The following BCLAF1 variants were observed in gnomAD, a reference collection of about 807,000 sequenced individuals.
BCLAF1 encodes the protein bcl-2-associated transcription factor 1.
Under a neutral mutation model 99.5 loss-of-function variants are expected in BCLAF1, and 10 were observed. The ratio of observed to expected loss-of-function variants is 0.10; its 90% confidence interval spans 0.06 to 0.17. The LOEUF (loss-of-function observed/expected upper bound fraction) is 0.17, where lower values mean the gene tolerates loss of function less well. BCLAF1 is among the 10% of genes least tolerant of loss of function. BCLAF1 has a pLI of 1.00. For synonymous variants in BCLAF1, 255 were observed against 370.9 expected, an observed-to-expected ratio of 0.69 and a Z score of 3.59; for missense variants, 636 against 1,105.8, an observed-to-expected ratio of 0.58 and a Z score of 6.02.
In BCLAF1 at chr6:136,257,798, G is replaced by C. The variant is rs1343099681; in HGVS notation, c.*3312C>G. On this transcript the variant is annotated 3_prime_UTR_variant, in exon 13 of 13. Coordinates refer to ENST00000531224, the MANE Select transcript of BCLAF1 (RefSeq NM_014739.3). ...GAAAGGCCTCTGAACTTCTCTTTCT[G>C]GATGTGAAAGTCTATTATTCCACAA... The C allele has an allele frequency of 5.3e-5, 8 of 152,138 alleles. No homozygotes were observed. Among genetic ancestry groups the C allele is most frequent in the African/African-American group, 1.9e-4 (8 of 41,552 alleles). The allele number at this position is 152,138 out of a possible 1,614,324, so 9.4% of individuals were successfully genotyped here.
At chr6:136,271,946 TTAAC>T (rs1782596226) in intron 8 of BCLAF1, 45 bp downstream of exon 8, 6 of 1,339,914 alleles carry the variant, frequency 4.5e-6, no homozygotes, top group East Asian at 2.3e-5. Flanking sequence ...TACAATATCA[TTAAC>T]TAAGCTGAAC....
intron 2 of BCLAF1, among the ~76,000 whole-genome samples, chr6:136,281,527 G>T (rs1784382530): frequency 6.6e-6 from 1 of 152,134 alleles, no homozygotes; most frequent in African/African-American, 2.4e-5. Flanking sequence ...CATTCATTCT[G>T]ATCGAATTTA....
At chr6:136,261,589 T>C (rs1409267247) in intron 11 of BCLAF1, 112 bp from the exon 12 acceptor site, 2 of 1,107,616 alleles carry the variant, frequency 1.8e-6, no homozygotes, top group East Asian at 4.8e-5. Context: ...ATGAGATTGG[T>C]AATATTCTAA....
chr6:136,283,077 C>T (rs1784590896), intron 1 of BCLAF1, among the ~76,000 whole-genome samples: 1 of 147,952 alleles, frequency 6.8e-6, no homozygotes, highest in Non-Finnish European at 1.5e-5. Context: ...GCAGAAGGAT[C>T]ACTTGAGCCC....
intron 6 of BCLAF1, among the ~76,000 whole-genome samples, chr6:136,275,247 A>G (rs900071050): frequency 1.3e-5 from 2 of 152,142 alleles, no homozygotes; most frequent in Non-Finnish European, 2.9e-5. Flanking sequence ...CATACTTAAA[A>G]AACACTTTTA....
intron 11 of BCLAF1, among the ~76,000 whole-genome samples, chr6:136,262,854 TGGGAAGAGGTTTTGGAGTA>T (rs1781205424): frequency 6.6e-6 from 1 of 152,164 alleles, no homozygotes; most frequent in African/African-American, 2.4e-5. Context: ...CCATGGATTC[TGGGAAGAGGTTTTGGAGTA>T]GAAGCATGGG....
rs1783334000 is a variant in BCLAF1, at chr6:136,276,160, T to C, written c.1365A>G (p.Glu455=). The C allele has an allele frequency of 6.2e-7, 1 of 1,613,304 alleles. No homozygotes were observed. The highest frequency in any genetic ancestry group is 1.3e-5 in the African/African-American group (1 of 74,862). Residue 455 remains glutamate, a synonymous_variant, in exon 5 of 13, where the codon GAA becomes GAG. Coordinates refer to ENST00000531224, the MANE Select transcript of BCLAF1 (RefSeq NM_014739.3). ...TCTCTTTAAGTTTATAATTTTTTTC[T>C]TCTCTAAATCCATCACTTTCTCTAT... ...KGNRESDGFR[E]EKNYKLKETG...
rs1783300925 is a variant in BCLAF1, at chr6:136,276,053, T to C, written c.1472A>G (p.Lys491Arg). The C allele has an allele frequency of 3.7e-6, 6 of 1,601,176 alleles. No individual in the cohort carries two copies. Among genetic ancestry groups the C allele is most frequent in the African/African-American group, 1.4e-5 (1 of 73,820 alleles). ...EDKNSERITV[K>R]KETQSPEQVK... The stretch of plus-strand genomic sequence containing the variant: ...CTGCTCAGGTGACTGAGTTTCTTTC[T>C]TTACTGTTATTCTTTCAGAATTTTT... The change falls in exon 5 of 13, where the codon AAG becomes AGG. Residue 491 changes from lysine to arginine, a missense_variant. Physicochemically the swap from Lys to Arg is conservative, Grantham distance 26. Transcript: ENST00000531224.
chr6:136,288,083 T>C (rs146236290), intron 1 of BCLAF1, among the ~76,000 whole-genome samples: 81 of 152,336 alleles, frequency 5.3e-4, no homozygotes, highest in African/African-American at 1.8e-3. Context: ...ACGTCTGTCT[T>C]CAAGTCTTAT....
intron 6 of BCLAF1, among the ~76,000 whole-genome samples, chr6:136,275,266 C>T (rs895092655): frequency 6.6e-6 from 1 of 152,116 alleles, no homozygotes; most frequent in African/African-American, 2.4e-5. Flanking sequence ...TAGCATTCAA[C>T]AAATCTACAT....
At chr6:136,288,401 CA>C (rs1381663360) in intron 1 of BCLAF1, among the ~76,000 whole-genome samples, 1 of 152,162 alleles carries the variant, frequency 6.6e-6, no homozygotes, top group East Asian at 1.9e-4. Flanking sequence ...TGGTCATGAT[CA>C]AACAAAAATA....
At chr6:136,286,119 G>A (rs1785097489) in intron 1 of BCLAF1, among the ~76,000 whole-genome samples, 1 of 152,030 alleles carries the variant, frequency 6.6e-6, no homozygotes, top group African/African-American at 2.4e-5. Context: ...AATGATCAAG[G>A]TAACTGGGTT....
In BCLAF1 at chr6:136,269,447, T is replaced by C; in HGVS notation, c.2209A>G (p.Lys737Glu). The change falls in exon 9 of 13, where the codon AAA becomes GAA. Residue 737 changes from lysine (K) to glutamate (E), a missense_variant. Lys to Glu is a moderately conservative substitution (Grantham distance 56). This residue lies in a region of BCLAF1 where 180 missense variants were observed against 270.0 expected (regional missense o/e 0.67). Transcript: ENST00000531224. ...AGTTTGAACAATTACCTGTCATCTTTGTAAGATTTGTATTCCTTGTAATCT... is the reference window on the plus strand; with the variant it reads ...AGTTTGAACAATTACCTGTCATCTTCGTAAGATTTGTATTCCTTGTAATCT... The part of the protein sequence containing the change: ...PKDYKEYKSY[K>E]DDSKHKREQD... 3 of 1,606,640 alleles carry C rather than the reference T, an allele frequency of 1.9e-6. No individual in the cohort carries two copies. The highest frequency in any genetic ancestry group is 2.5e-6 in the Non-Finnish European group (3 of 1,177,216).
In BCLAF1 at chr6:136,275,704, G is replaced by A; in HGVS notation, c.1683-3C>T. ...TGTCTTTAGTCAAGGAAGCAGGTCT[G>A]GAACATATTGATAACACACACACAC... On this transcript the variant is annotated splice_region_variant and splice_polypyrimidine_tract_variant and intron_variant, in intron 5 of 12. Transcript: ENST00000531224. 2 of 1,581,282 alleles carry A rather than the reference G, an allele frequency of 1.3e-6. No individual in the cohort carries two copies. Among genetic ancestry groups the A allele is most frequent in the Non-Finnish European group, 8.6e-7 (1 of 1,166,278 alleles).
At position 136,259,348 on chromosome 6, in the gene BCLAF1, A is replaced by G. The variant is rs1339198853; in HGVS notation, c.*1762T>C. ...TGGATAAGCACATAGTCATGCACACAGATTTGATGTCTAACCAAGTAACTG... is the reference window on the plus strand; with the variant it reads ...TGGATAAGCACATAGTCATGCACACGGATTTGATGTCTAACCAAGTAACTG... On this transcript the variant is annotated 3_prime_UTR_variant, in exon 13 of 13. Transcript: ENST00000531224. 6.6e-6 allele frequency: 1 copy of G among 152,082 alleles called. No homozygotes were observed. Among genetic ancestry groups the G allele is most frequent in the Non-Finnish European group, 1.5e-5 (1 of 67,920 alleles). 9.4% of individuals were successfully genotyped at this position (152,082 alleles called of 1,614,324 possible).
At chr6:136,284,308 T>C (rs951404269) in intron 1 of BCLAF1, among the ~76,000 whole-genome samples, 2 of 151,792 alleles carry the variant, frequency 1.3e-5, no homozygotes, top group Admixed American at 1.3e-4. Context: ...AATCTATAAA[T>C]ATATTCAAGT....
At chr6:136,272,193 T>C in intron 7 of BCLAF1, 114 bp from the exon 8 acceptor site, 3 of 680,488 alleles carry the variant, frequency 4.4e-6, no homozygotes, top group Non-Finnish European at 2.4e-6. Flanking sequence ...TCAACTAATT[T>C]AGCACACCAA....
chr6:136,275,445 G>T, intron 6 of BCLAF1, 87 bp downstream of exon 6: 2 of 1,293,444 alleles, frequency 1.5e-6, no homozygotes, highest in South Asian at 1.9e-5. Flanking sequence ...TAGCCCTGGG[G>T]TACATGAATT....
intron 5 of BCLAF1, 44 bp from the exon 6 acceptor site, chr6:136,275,745 G>C (rs529789290): frequency 6.4e-7 from 1 of 1,559,300 alleles, no homozygotes; most frequent in Admixed American, 2.0e-5. Flanking sequence ...ATATACCATT[G>C]GTTTAAATAT....
Sources: gnomAD v4.1 joint callset for allele counts (sites outside exome capture counted in the v4.1 genomes callset) on GRCh38, gnomAD v4.1.1 for gene constraint, gnomAD v4.1.1 regional missense constraint, MANE v1.5 for transcripts, NCBI Gene and HGNC (gene_info 2026-07-23, HGNC 2026-07-21) for gene names.